The following ETNPPL variants were observed in gnomAD, a reference collection of about 807,000 sequenced individuals.
The protein encoded by ETNPPL is ethanolamine-phosphate phospho-lyase, also known as alanine--glyoxylate aminotransferase 2-like 1.
ETNPPL carries 30 observed loss-of-function variants against 55.5 expected under a neutral mutation model. The ratio of observed to expected loss-of-function variants is 0.54; its 90% CI spans 0.40 to 0.73. ETNPPL has a LOEUF of 0.73. ETNPPL is among the 30% of genes least tolerant of loss of function. The pLI is 0.00. For synonymous variants in ETNPPL, 202 were observed against 207.2 expected (o/e 0.98, Z 0.21); for missense variants, 528 against 607.9 (o/e 0.87, Z 1.38).
intron 6 of ETNPPL, among the ~76,000 whole-genome samples, chr4:108,751,881 G>T (rs993788482): frequency 1.3e-5 from 2 of 152,194 alleles, no homozygotes; most frequent in Non-Finnish European, 2.9e-5. Context: ...TCCAATAAAT[G>T]TTGAATGCTA....
rs935387680 is a variant in ETNPPL at position 108,743,783 on chromosome 4, C to A, written c.1371+6G>T. On this transcript the variant is annotated splice_donor_region_variant and intron_variant, in intron 12 of 12. Transcript: ENST00000296486. ...TCCCCCTAAAAATAAAGTAGCCAACCCTTACCTTTGTTTTGCATGGAGTAT... is the reference window on the plus strand; with the variant it reads ...TCCCCCTAAAAATAAAGTAGCCAACACTTACCTTTGTTTTGCATGGAGTAT... 5.0e-6 allele frequency: 8 copies of A among 1,599,466 alleles called. No individual in the cohort carries two copies. Among genetic ancestry groups the A allele is most frequent in the East Asian group, 2.2e-5 (1 of 44,816 alleles).
At chr4:108,754,036 C>T (rs532790189) in intron 5 of ETNPPL, among the ~76,000 whole-genome samples, 4 of 146,844 alleles carry the variant, frequency 2.7e-5, no homozygotes, top group African/African-American at 7.6e-5. Flanking sequence ...TGCAGTGGCA[C>T]GATCTTGGCT....
At chr4:108,748,214 C>A in intron 8 of ETNPPL, 55 bp from the exon 9 acceptor site, 3 of 1,364,404 alleles carry the variant, frequency 2.2e-6, no homozygotes, top group East Asian at 2.4e-5. Flanking sequence ...GAGTGGTATT[C>A]CCTCATCCAT....
intron 7 of ETNPPL, among the ~76,000 whole-genome samples, chr4:108,750,621 A>ATTTTT (rs1475157103): frequency 6.7e-6 from 1 of 148,152 alleles, no homozygotes. Flanking sequence ...TAGGATATAT[A>ATTTTT]TATATCCTAT....
At chr4:108,760,010 AC>A in intron 2 of ETNPPL, 102 bp from the exon 3 acceptor site, 2 of 1,300,070 alleles carry the variant, frequency 1.5e-6, no homozygotes, top group Admixed American at 2.0e-5. Flanking sequence ...AAACAAACAA[AC>A]AAAAGTTGAG....
rs902203305 is a variant in ETNPPL, at chr4:108,759,751, T to C, written c.333A>G (p.Ser111=). 51 of 1,613,872 alleles carry C rather than the reference T, an allele frequency of 3.2e-5. No homozygotes were observed. The highest frequency in any genetic ancestry group is 4.0e-5 in the Non-Finnish European group (47 of 1,179,934). ...GGGTGGGAAACCATGAAGCATACCC[T>C]GAATTTGTAAAATAACAAACAGAGA... ...EKLSVCYFTN[S]GSEANDLALR... is the part of the protein sequence containing the mutation. The change falls in exon 3 of 13, where the codon TCA becomes TCG. Residue 111 remains serine, a splice_region_variant and synonymous_variant. Transcript: ENST00000296486.
chr4:108,742,360 T>C lies in ETNPPL; in HGVS notation c.*124A>G. 1.0e-6 allele frequency: 1 copy of C among 973,394 alleles called. No individual in the cohort carries two copies. The highest frequency in any genetic ancestry group is 1.6e-6 in the Non-Finnish European group (1 of 641,264). 60.3% of individuals were successfully genotyped at this position (973,394 alleles called of 1,614,324 possible). ...TTATTCTGATTACTCATTTACCTTTTCATTTATGAATCTAAACTGACAATT... is the reference window on the plus strand; with the variant it reads ...TTATTCTGATTACTCATTTACCTTTCCATTTATGAATCTAAACTGACAATT... On this transcript the variant is annotated 3_prime_UTR_variant, in exon 13 of 13. Coordinates refer to ENST00000296486, the MANE Select transcript of ETNPPL (RefSeq NM_031279.4).
In ETNPPL at chr4:108,749,394, T is replaced by C. The variant is rs778962759; in HGVS notation, c.771A>G (p.Lys257=). 10 of 1,614,126 alleles carry C rather than the reference T, an allele frequency of 6.2e-6. No homozygotes were observed. The East Asian group carries it at 1.8e-4, about 29-fold the overall frequency. ...EVQVGFGRVG[K]HFWSFQMYGE... ...CATACATCTGGAAGCTCCAGAAATG[T>C]TTCCCAACTCTGCCAAAGCCCACTT... is the stretch of plus-strand genomic sequence containing the variant. Residue 257 remains lysine, a synonymous_variant, in exon 8 of 13, where the codon AAA becomes AAG. Transcript: ENST00000296486.
In ETNPPL at chr4:108,743,776, A is replaced by T. The variant is rs770460725; in HGVS notation, c.1371+13T>A. On this transcript the variant is annotated intron_variant, in intron 12 of 12. Coordinates refer to ENST00000296486, the MANE Select transcript of ETNPPL (RefSeq NM_031279.4). ...TAAACTTTCCCCCTAAAAATAAAGT[A>T]GCCAACCCTTACCTTTGTTTTGCAT... is the stretch of plus-strand genomic sequence containing the variant. 7 of 1,587,818 alleles carry T rather than the reference A, an allele frequency of 4.4e-6. No individual in the cohort carries two copies. The highest frequency in any genetic ancestry group is 1.7e-4 in the Middle Eastern group (1 of 6,044).
At position 108,742,530 on chromosome 4, in the gene ETNPPL, A is replaced by T. The variant is rs1456234100; in HGVS notation, c.1454T>A (p.Met485Lys). ...KENPSRKRNG[M>K]CTDTHSLLSK... ...GAGCAGTGAATGTGTATCCGTGCACATTCCATTTCTCTTTCTGCTGGGATT... is the reference window on the plus strand; with the variant it reads ...GAGCAGTGAATGTGTATCCGTGCACTTTCCATTTCTCTTTCTGCTGGGATT... The change falls in exon 13 of 13, where the codon ATG becomes AAG. Residue 485 changes from methionine (M) to lysine (K), a missense_variant. By Grantham distance (95) the Met-to-Lys change is moderately conservative (BLOSUM62 -1). Transcript: ENST00000296486. 6.2e-7 allele frequency: 1 copy of T among 1,614,146 alleles called. No homozygotes were observed. The highest frequency in any genetic ancestry group is 8.5e-7 in the Non-Finnish European group (1 of 1,180,014).
intron 7 of ETNPPL, 146 bp from the exon 8 acceptor site, chr4:108,749,609 C>A (rs1156836869): frequency 4.9e-6 from 3 of 612,210 alleles, no homozygotes; most frequent in Non-Finnish European, 8.7e-6. Context: ...GTACTCTAAA[C>A]CCCACATAAA....
At position 108,746,416 on chromosome 4, in the gene ETNPPL, A is replaced by C; in HGVS notation, c.1286T>G (p.Leu429Arg). 6.2e-7 allele frequency: 1 copy of C among 1,613,574 alleles called. No homozygotes were observed. The highest frequency in any genetic ancestry group is 8.5e-7 in the Non-Finnish European group (1 of 1,179,868). ...EEDAKFMVDQ[L>R]DRILTVLEEA... ...GGACCCACCTGTTAGAATCCTATCA[A>C]GTTGGTCCACCATGAACTTTGCATC... Residue 429 changes from leucine to arginine, a missense_variant, in exon 11 of 13, where the codon CTT (leucine) becomes CGT (arginine). Leu to Arg is a moderately radical substitution (Grantham distance 102, BLOSUM62 -2). Transcript: ENST00000296486.
rs765255226 is a variant in ETNPPL at position 108,747,996 on chromosome 4, T to C, written c.1082+9A>G. On this transcript the variant is annotated intron_variant, in intron 9 of 12. Transcript: ENST00000296486. ...GAGTAACTACATGACAACTTCATAA[T>C]GAACATACCTAATATCTCCTATCAA... 20 of 1,600,330 alleles carry C rather than the reference T, an allele frequency of 1.2e-5. No individual in the cohort carries two copies. The highest frequency in any genetic ancestry group is 1.7e-5 in the Non-Finnish European group (20 of 1,174,550).
intron 8 of ETNPPL, among the ~76,000 whole-genome samples, chr4:108,748,687 C>CTG (rs1728741110): frequency 6.6e-6 from 1 of 152,066 alleles, no homozygotes; most frequent in Non-Finnish European, 1.5e-5. Context: ...AATTTAGTAT[C>CTG]TCTTATGACA....
chr4:108,746,302 A>G, intron 11 of ETNPPL, 97 bp downstream of exon 11: 1 of 1,108,270 alleles, frequency 9.0e-7, no homozygotes, highest in Non-Finnish European at 1.2e-6. Context: ...TCCATCATGA[A>G]TAACAAGATG....
Position 108,746,754 on chromosome 4 carries a change from T to A in ETNPPL, c.1172+8A>T, listed in dbSNP as rs765845063. The stretch of plus-strand genomic sequence containing the variant: ...GATACCAAACAGGTGGGTGTGGGGG[T>A]GAATTACTTGTAGATGATGTGCTGA... On this transcript the variant is annotated splice_region_variant and intron_variant, in intron 10 of 12. Coordinates refer to ENST00000296486, the MANE Select transcript of ETNPPL (RefSeq NM_031279.4). 1 of 1,612,216 alleles carries A rather than the reference T, an allele frequency of 6.2e-7. No individual in the cohort carries two copies. The highest frequency in any genetic ancestry group is 8.5e-7 in the Non-Finnish European group (1 of 1,178,590).
Position 108,761,221 on chromosome 4 carries a change from A to G in ETNPPL, c.57-915T>C, listed in dbSNP as rs1009107484. 9.9e-5 allele frequency among the ~76,000 whole-genome samples: 15 copies of G among 152,132 alleles called. 1 individual carries two copies. Among genetic ancestry groups the G allele is most frequent in the Admixed American group, 9.2e-4 (14 of 15,274 alleles). The stretch of plus-strand genomic sequence containing the variant: ...GAACTAAAGTTAAATATATTTATTT[A>G]TTTTGGTGATTTTGCATACATACAA... On this transcript the variant is annotated intron_variant, in intron 1 of 12. Transcript: ENST00000296486.
chr4:108,750,946 T>A lies in ETNPPL; in HGVS notation c.691A>T (p.Lys231Ter), dbSNP rs2125675948. The change falls in exon 7 of 13, where the codon AAA (lysine) becomes TAA (stop). Residue 231 changes from lysine (K) to a stop codon, truncating the protein, a stop_gained. Transcript: ENST00000296486. LOFTEE classifies it high-confidence loss of function. ...AAGTCAAGTACATACTCTGCCACTT[T>A]CTGGAAGTAGCCTGCTGGAGGAATT... ...QIIPPAGYFQ[K>*]VAEYVHGAGG... 2 of 1,613,154 alleles carry A rather than the reference T, an allele frequency of 1.2e-6. No individual in the cohort carries two copies. The highest frequency in any genetic ancestry group is 2.2e-5 in the South Asian group (2 of 91,058).
chr4:108,750,389 T>C (rs1728837613), intron 7 of ETNPPL, among the ~76,000 whole-genome samples: 1 of 151,774 alleles, frequency 6.6e-6, no homozygotes, highest in Non-Finnish European at 1.5e-5. Flanking sequence ...AACATCAGAC[T>C]CCAGGTTCTT....
Sources: allele counts gnomAD v4.1 joint callset (sites outside exome capture counted in the v4.1 genomes callset), GRCh38; gene constraint gnomAD v4.1.1; transcripts MANE v1.5; gene names NCBI Gene and HGNC (gene_info 2026-07-23, HGNC 2026-07-21).